Variants in FAM118A observed in about 807,000 individuals in gnomAD.
FAM118A encodes protein FAM118A.
A neutral mutation model predicts 38.2 loss-of-function variants in FAM118A; 25 were observed. The observed-to-expected ratio is 0.65, with a 90% confidence interval of 0.48 to 0.91. FAM118A has a LOEUF of 0.91. FAM118A is among the 40% of genes least tolerant of loss of function. The pLI is 0.00. For missense variants in FAM118A, 425 were observed against 463.3 expected (o/e 0.92, Z 0.76); for synonymous variants, 178 against 184.1 (o/e 0.97, Z 0.27).
chr22:45,322,292 C>A, intron 1 of FAM118A, 79 bp from the exon 2 acceptor site: 1 of 1,579,692 alleles, frequency 6.3e-7, no homozygotes, highest in Non-Finnish European at 8.7e-7. Context: ...TTAATTCTAG[C>A]CTTAACTATC....
chr22:45,331,205 T>C (rs2085690994), intron 5 of FAM118A, among the ~76,000 whole-genome samples: 3 of 152,138 alleles, frequency 2.0e-5, no homozygotes, highest in African/African-American at 7.2e-5. Context: ...ATGCCTGTAA[T>C]CTCAGTGCTT....
chr22:45,320,896 A>G (rs568121373), intron 1 of FAM118A, among the ~76,000 whole-genome samples: 77 of 152,288 alleles, frequency 5.1e-4, no homozygotes, highest in African/African-American at 1.8e-3. Flanking sequence ...ATCTCTCCTA[A>G]ATAAATAATT....
chr22:45,313,461 T>TA (rs989895851), intron 1 of FAM118A, among the ~76,000 whole-genome samples: 1 of 152,002 alleles, frequency 6.6e-6, no homozygotes, highest in African/African-American at 2.4e-5. Context: ...TAGCTGGGAT[T>TA]ACAGGCGCCT....
intron 6 of FAM118A, among the ~76,000 whole-genome samples, chr22:45,332,990 G>A (rs192379122): frequency 2.1e-4 from 32 of 152,104 alleles, no homozygotes; most frequent in African/African-American, 7.7e-4. Flanking sequence ...TGACCCACCT[G>A]CCTTGGCCTC....
chr22:45,317,118 T>A (rs1361093243), intron 1 of FAM118A, among the ~76,000 whole-genome samples: 1 of 152,244 alleles, frequency 6.6e-6, no homozygotes, highest in Non-Finnish European at 1.5e-5. Context: ...GGCTCACACC[T>A]GTAATCCCAG....
Position 45,324,652 on chromosome 22 carries a change from C to T in FAM118A, c.300+1225C>T, listed in dbSNP as rs367692139. 2.2e-3 allele frequency among the ~76,000 whole-genome samples: 337 copies of T among 152,296 alleles called. 1 individual carries two copies. The highest frequency in any genetic ancestry group is 6.8e-3 in the Middle Eastern group (2 of 294). ...TGCAAATGAGGTTCTGACAGGCGGC[C>T]ACACCCATTCATTTACGTATAGTAC... On this transcript the variant is annotated intron_variant, in intron 3 of 8. Coordinates refer to ENST00000441876, the MANE Select transcript of FAM118A (RefSeq NM_017911.4).
chr22:45,335,269 CCCAGTCA>C (rs2086005904), intron 6 of FAM118A, 74 bp from the exon 7 acceptor site: 1 of 1,540,820 alleles, frequency 6.5e-7, no homozygotes, highest in Non-Finnish European at 9.0e-7. Flanking sequence ...CCCTGCCGTT[CCCAGTCA>C]CTGCCTCAGG....
rs373666878 is a variant in FAM118A, at chr22:45,335,302, G to A, written c.938-48G>A. 5.0e-5 allele frequency: 80 copies of A among 1,612,284 alleles called. 1 individual carries two copies. Among genetic ancestry groups the A allele is most frequent in the Non-Finnish European group, 5.9e-5 (69 of 1,178,508 alleles). ...CTGCCTCAGGGTGGCCGAGGAGGAC[G>A]AGCTCTTGGTGTCTCGGCTCCACTG... is the stretch of plus-strand genomic sequence containing the variant. On this transcript the variant is annotated intron_variant, in intron 6 of 8. Coordinates refer to ENST00000441876, the MANE Select transcript of FAM118A (RefSeq NM_017911.4).
At chr22:45,333,328 C>CTG in intron 6 of FAM118A, among the ~76,000 whole-genome samples, 1 of 152,020 alleles carries the variant, frequency 6.6e-6, no homozygotes, top group East Asian at 2.0e-4. Flanking sequence ...GAGTTTAAGA[C>CTG]CAACCTGGGC....
In FAM118A at chr22:45,340,432, G is replaced by A; in HGVS notation, c.*27G>A. 6.2e-7 allele frequency: 1 copy of A among 1,613,812 alleles called. No homozygotes were observed. The highest frequency in any genetic ancestry group is 8.5e-7 in the Non-Finnish European group (1 of 1,179,694). ...ATCTTTACAGTAAAACCTGCAACTT[G>A]AAAACTAGCCTTCTGTAACCACAGT... On this transcript the variant is annotated 3_prime_UTR_variant, in exon 9 of 9. Transcript: ENST00000441876.
intron 1 of FAM118A, among the ~76,000 whole-genome samples, chr22:45,312,699 C>T (rs553819496): frequency 6.6e-6 from 1 of 152,232 alleles, no homozygotes; most frequent in African/African-American, 2.4e-5. Context: ...GCTCACAGAA[C>T]TCAGGGAAAC....
intron 3 of FAM118A, among the ~76,000 whole-genome samples, chr22:45,324,173 A>G (rs2085086825): frequency 6.6e-6 from 1 of 152,128 alleles, no homozygotes; most frequent in Non-Finnish European, 1.5e-5. Context: ...CACCAAGGAG[A>G]GTGGGAGAGT....
At chr22:45,333,270 C>T (rs2085852198) in intron 6 of FAM118A, among the ~76,000 whole-genome samples, 1 of 152,142 alleles carries the variant, frequency 6.6e-6, no homozygotes, top group African/African-American at 2.4e-5. Flanking sequence ...TCACGCCTGT[C>T]ATCCCAGTTT....
chr22:45,331,520 G>A (rs568629757), intron 5 of FAM118A, among the ~76,000 whole-genome samples: 8 of 152,222 alleles, frequency 5.3e-5, no homozygotes, highest in Admixed American at 2.0e-4. Context: ...GACTGCAGGT[G>A]TGTGCCCCTA....
At chr22:45,312,841 C>A (rs993966873) in intron 1 of FAM118A, among the ~76,000 whole-genome samples, 1 of 152,170 alleles carries the variant, frequency 6.6e-6, no homozygotes, top group African/African-American at 2.4e-5. Context: ...CCAGAAACTT[C>A]GGCATGTTTG....
chr22:45,339,068 G>T (rs963304734), intron 8 of FAM118A, among the ~76,000 whole-genome samples: 10 of 152,228 alleles, frequency 6.6e-5, no homozygotes, highest in Non-Finnish European at 1.5e-4. Flanking sequence ...TGGGAGAGCT[G>T]TGAGGGGCAG....
chr22:45,335,435 G>A lies in FAM118A; in HGVS notation c.970+53G>A, dbSNP rs921390199. On this transcript the variant is annotated intron_variant, in intron 7 of 8. Transcript: ENST00000441876. ...CTGTTTTTTGCCTACACATTCCATTGTCTTCTGTCACTAACTGTAAAATCA... is the reference window on the plus strand; with the variant it reads ...CTGTTTTTTGCCTACACATTCCATTATCTTCTGTCACTAACTGTAAAATCA... 4 of 1,592,184 alleles carry A rather than the reference G, an allele frequency of 2.5e-6. No homozygotes were observed. The African/African-American group carries it at 5.4e-5, about 21-fold the overall frequency.
At chr22:45,319,055 G>T (rs1457789940) in intron 1 of FAM118A, 2 of 152,200 alleles carry the variant, frequency 1.3e-5, no homozygotes, top group African/African-American at 4.8e-5. Flanking sequence ...AGTTTAATTT[G>T]TTCATACTGT....
intron 4 of FAM118A, chr22:45,328,632 T>TAA (rs34080495): frequency 3.5e-5 from 18 of 521,108 alleles, no homozygotes; most frequent in Middle Eastern, 5.0e-4. Flanking sequence ...CCCTTTCTCT[T>TAA]AAAAAAAAAA....
Sources: gnomAD v4.1 joint callset for allele counts (sites outside exome capture counted in the v4.1 genomes callset) on GRCh38, gnomAD v4.1.1 for gene constraint, MANE v1.5 for transcripts, NCBI Gene and HGNC (gene_info 2026-07-23, HGNC 2026-07-21) for gene names.